The following TANC1 variants were observed in gnomAD, a reference collection of about 807,000 sequenced individuals.
TANC1 encodes protein TANC1.
A neutral mutation model predicts 149.7 loss-of-function variants in TANC1; 77 were observed. The observed-to-expected ratio is 0.51, with a 90% confidence interval of 0.43 to 0.62. The LOEUF is 0.62. Among genes scored for constraint, TANC1 ranks in the 20% least tolerant of loss-of-function variants. The probability of loss-of-function intolerance (pLI) is 0.00; values close to 1 mark genes in which losing one functional copy is unlikely to be tolerated. For synonymous variants in TANC1, 854 were observed against 925.0 expected (o/e 0.92, Z 1.39); for missense variants, 1,985 against 2,321.8 (o/e 0.85, Z 2.98).
intron 1 of TANC1, among the ~76,000 whole-genome samples, chr2:158,978,140 C>T (rs1263021774): frequency 1.3e-5 from 2 of 152,160 alleles, no homozygotes; most frequent in African/African-American, 2.4e-5. Flanking sequence ...GTAGGGGGTC[C>T]TGTCTTACCT....
chr2:159,198,989 G>A lies in TANC1; in HGVS notation c.3180G>A (p.Leu1060=), dbSNP rs2058059196. ...SMGHSSVVQC[L]LGMEKEHEVE... ...ACTTCTGACAGGTGGTCCAGTGCTTGCTGGGGATGGAGAAGGAACATGAAG... is the reference window on the plus strand; with the variant it reads ...ACTTCTGACAGGTGGTCCAGTGCTTACTGGGGATGGAGAAGGAACATGAAG... Residue 1060 remains leucine, a synonymous_variant, in exon 19 of 27, where the codon TTG becomes TTA. Transcript: ENST00000263635. 4.3e-6 allele frequency: 7 copies of A among 1,613,882 alleles called. No homozygotes were observed. Among genetic ancestry groups the A allele is most frequent in the Non-Finnish European group, 5.9e-6 (7 of 1,179,920 alleles).
chr2:158,984,518 G>T (rs1286437477), intron 1 of TANC1, among the ~76,000 whole-genome samples: 1 of 152,174 alleles, frequency 6.6e-6, no homozygotes, highest in Non-Finnish European at 1.5e-5. Flanking sequence ...ATTTGTCAGC[G>T]GGTGGTGGAG....
rs189258604 is a variant in TANC1, at chr2:159,091,964, G to A, written c.62-5673G>A. ...ATCTTTCAGTTTTCTGTAAATATAG[G>A]GGGGGGTGTGTGTGTGTATGTATGT... On this transcript the variant is annotated intron_variant, in intron 3 of 26. Transcript: ENST00000263635. Among the ~76,000 whole-genome samples the A allele has an allele frequency of 4.8e-3, 688 of 144,224 alleles. 12 individuals are homozygous for A. Among genetic ancestry groups the A allele is most frequent in the African/African-American group, 0.018 (639 of 35,012 alleles). 94.6% of individuals were successfully genotyped at this position (144,224 alleles called of 152,430 possible).
At chr2:158,997,933 C>T (rs1315994411) in intron 1 of TANC1, among the ~76,000 whole-genome samples, 1 of 152,122 alleles carries the variant, frequency 6.6e-6, no homozygotes, top group Non-Finnish European at 1.5e-5. Context: ...AGTAAATTTA[C>T]AGTGGAGAAA....
At chr2:159,159,364 T>A (rs1488303113) in intron 7 of TANC1, among the ~76,000 whole-genome samples, 1 of 149,396 alleles carries the variant, frequency 6.7e-6, no homozygotes, top group Non-Finnish European at 1.5e-5. Flanking sequence ...GCTTGAGCCT[T>A]GGAAGTTCGA....
intron 2 of TANC1, among the ~76,000 whole-genome samples, chr2:159,019,993 T>C (rs890437821): frequency 6.6e-6 from 1 of 152,172 alleles, no homozygotes; most frequent in Non-Finnish European, 1.5e-5. Context: ...ACAGAAAATC[T>C]AATTTAACAC....
intron 26 of TANC1, 62 bp from the exon 27 acceptor site, chr2:159,229,516 C>A: frequency 7.6e-7 from 1 of 1,311,324 alleles, no homozygotes; most frequent in Non-Finnish European, 1.1e-6. Context: ...CTTTTATGAA[C>A]AGTTACACTC....
At chr2:159,114,650 ACT>A (rs1029919383) in intron 4 of TANC1, among the ~76,000 whole-genome samples, 3 of 151,814 alleles carry the variant, frequency 2.0e-5, no homozygotes, top group African/African-American at 7.3e-5. Context: ...GCATTTTGAC[ACT>A]CTTTTATTAT....
intron 2 of TANC1, among the ~76,000 whole-genome samples, chr2:159,019,295 G>A (rs11683967): frequency 0.022 from 3,410 of 152,326 alleles, 60 homozygotes; most frequent in Non-Finnish European, 0.032. Flanking sequence ...TCTTCAGCCC[G>A]TGTTAGGAGT....
rs141780179 is a variant in TANC1, at chr2:159,103,026, A to G, written c.259+5192A>G. ...AGCCACCCCTCCCAGCCAGATACTT[A>G]CTTTTTAAAAAAATTTTTAGCATGT... On this transcript the variant is annotated intron_variant, in intron 4 of 26. Transcript: ENST00000263635. 7.7e-3 allele frequency among the ~76,000 whole-genome samples: 735 copies of G among 94,966 alleles called. 223 individuals are homozygous for G. Among genetic ancestry groups the G allele is most frequent in the East Asian group, 0.068 (290 of 4,246 alleles). The allele number at this position is 94,966 out of a possible 152,430, so 62.3% of individuals were successfully genotyped here. A position where few individuals can be genotyped will look rare whatever the true frequency, so the allele number is the denominator to read the frequency against.
At chr2:159,196,908 A>C in intron 18 of TANC1, 115 bp downstream of exon 18, 2 of 978,694 alleles carry the variant, frequency 2.0e-6, no homozygotes, top group East Asian at 5.3e-5. Context: ...TTTGGCGTTG[A>C]CCACCTGCAG....
At chr2:158,969,374 A>G (rs1235252394) in intron 1 of TANC1, among the ~76,000 whole-genome samples, 3 of 152,226 alleles carry the variant, frequency 2.0e-5, no homozygotes, top group African/African-American at 4.8e-5. Flanking sequence ...TTTGCTTCCA[A>G]GAACACTGCG....
chr2:159,212,941 A>T (rs1448288673), intron 19 of TANC1, among the ~76,000 whole-genome samples: 17 of 139,168 alleles, frequency 1.2e-4, no homozygotes, highest in Admixed American at 8.5e-4. Context: ...AAAAAAAAAA[A>T]TTTCCCTGAA....
intron 2 of TANC1, among the ~76,000 whole-genome samples, chr2:159,029,182 CT>C (rs1024540555): frequency 1.3e-5 from 2 of 152,114 alleles, no homozygotes; most frequent in African/African-American, 4.8e-5. Flanking sequence ...TCAGGATTTC[CT>C]TTTTTTATGG....
At position 159,012,196 on chromosome 2, in the gene TANC1, C is replaced by T. The variant is rs1049019269; in HGVS notation, c.-16+11007C>T. 4.6e-5 allele frequency among the ~76,000 whole-genome samples: 7 copies of T among 152,174 alleles called. No individual in the cohort carries two copies. The South Asian group carries it at 1.0e-3, about 23-fold the overall frequency. On this transcript the variant is annotated intron_variant, in intron 2 of 26. Coordinates refer to ENST00000263635, the MANE Select transcript of TANC1 (RefSeq NM_033394.3). ...AAATTATTTTCTTTTACTTGAGATA[C>T]CAGCTTTTCTAAAAGTGAAATTGGA...
At chr2:159,077,519 G>A (rs542758740) in intron 3 of TANC1, among the ~76,000 whole-genome samples, 60 of 152,240 alleles carry the variant, frequency 3.9e-4, no homozygotes, top group African/African-American at 1.4e-3. Flanking sequence ...GTGCATATAT[G>A]TATGTGCATA....
intron 7 of TANC1, among the ~76,000 whole-genome samples, chr2:159,160,732 AC>A (rs2053967016): frequency 6.6e-6 from 1 of 152,078 alleles, no homozygotes; most frequent in African/African-American, 2.4e-5. Context: ...GCCTCTGAGA[AC>A]CCTGGGACAT....
chr2:159,158,285 G>T (rs994988516), intron 7 of TANC1, among the ~76,000 whole-genome samples: 1 of 152,024 alleles, frequency 6.6e-6, no homozygotes, highest in Admixed American at 6.5e-5. Context: ...GTTTGAGCCC[G>T]TGAGGTCGAG....
At chr2:159,072,949 G>A (rs2043289264) in intron 3 of TANC1, among the ~76,000 whole-genome samples, 1 of 152,116 alleles carries the variant, frequency 6.6e-6, no homozygotes, top group African/African-American at 2.4e-5. Context: ...AACAAAACTG[G>A]GGAAGCTCTG....
Sources: allele counts gnomAD v4.1 joint callset (sites outside exome capture counted in the v4.1 genomes callset), GRCh38; gene constraint gnomAD v4.1.1; transcripts MANE v1.5; gene names NCBI Gene and HGNC (gene_info 2026-07-23, HGNC 2026-07-21).